The following DISC1 variants were observed in gnomAD, a reference collection of about 807,000 sequenced individuals.
DISC1 encodes the protein disrupted in schizophrenia 1 protein.
Under a neutral mutation model 84.5 loss-of-function variants are expected in DISC1, and 57 were observed. The observed-to-expected ratio is 0.67, with a 90% CI of 0.55 to 0.84. The LOEUF (loss-of-function observed/expected upper bound fraction) is 0.84, where lower values mean the gene tolerates loss of function less well. DISC1 is among the 40% of genes least tolerant of loss of function. The probability of loss-of-function intolerance (pLI) is 0.00; values close to 1 mark genes in which losing one functional copy is unlikely to be tolerated. For synonymous variants in DISC1, 411 were observed against 415.2 expected (o/e 0.99, Z 0.12); for missense variants, 1,000 against 1,057.8 (o/e 0.95, Z 0.76).
intron 9 of DISC1, among the ~76,000 whole-genome samples, chr1:231,838,839 C>G (rs1458527540): frequency 2.0e-5 from 3 of 152,186 alleles, no homozygotes; most frequent in Non-Finnish European, 4.4e-5. Flanking sequence ...CATTCAGAAG[C>G]CTTAGCTGTT....
chr1:231,894,865 G>A (rs1322462963), intron 9 of DISC1, among the ~76,000 whole-genome samples: 1 of 150,456 alleles, frequency 6.6e-6, no homozygotes, highest in Non-Finnish European at 1.5e-5. Flanking sequence ...TATAGCATTA[G>A]AGGACATTCT....
intron 10 of DISC1, among the ~76,000 whole-genome samples, chr1:232,007,867 G>T (rs1104691): frequency 0.027 from 4,136 of 152,262 alleles, 185 homozygotes; most frequent in African/African-American, 0.095. Context: ...GAGAGACCAG[G>T]TGTAGGTAAT....
intron 3 of DISC1, among the ~76,000 whole-genome samples, chr1:231,724,689 T>G (rs200786070): frequency 1.8e-4 from 28 of 152,194 alleles, no homozygotes; most frequent in Non-Finnish European, 3.5e-4. Flanking sequence ...AGACCTGGCT[T>G]CAGAGTCTGT....
In DISC1 at chr1:231,693,950, G is replaced by C. The variant is rs1452115713; in HGVS notation, c.192G>C (p.Leu64=). 5.0e-6 allele frequency: 8 copies of C among 1,614,164 alleles called. No homozygotes were observed. The South Asian group carries it at 8.8e-5, about 18-fold the overall frequency. Residue 64 remains leucine (L), a synonymous_variant, in exon 2 of 13, where the codon CTG becomes CTC. Transcript: ENST00000439617. ...TCCTTTCCCCAGCAGTGGGCACACT[G>C]TTCCGGTTCCCAGGAGGGGTGTCTG... The part of the protein sequence containing the change: ...IGFLSPAVGT[L]FRFPGGVSGE...
chr1:231,835,248 C>G (rs6677995), intron 9 of DISC1, among the ~76,000 whole-genome samples: 33,813 of 152,144 alleles, frequency 0.22, 4,081 homozygotes, highest in East Asian at 0.41. Context: ...CACTCGCGTC[C>G]GTGTGAAGAG....
intron 8 of DISC1, among the ~76,000 whole-genome samples, chr1:231,812,035 C>T (rs2080351068): frequency 6.6e-6 from 1 of 152,058 alleles, no homozygotes; most frequent in Admixed American, 6.6e-5. Context: ...CAAAATGCCC[C>T]AGGTGCTATG....
At chr1:231,953,642 T>A (rs1249732633) in intron 9 of DISC1, among the ~76,000 whole-genome samples, 1 of 152,256 alleles carries the variant, frequency 6.6e-6, no homozygotes, top group African/African-American at 2.4e-5. Flanking sequence ...TTTATCTAAA[T>A]TGATTCTTGA....
chr1:231,886,770 T>TTCCTTC (rs1558691912), intron 9 of DISC1, among the ~76,000 whole-genome samples: 5 of 38,248 alleles, frequency 1.3e-4, no homozygotes, highest in African/African-American at 1.9e-4. Flanking sequence ...TTCCTTCCTT[T>TTCCTTC]CTTTCTTTCT....
intron 10 of DISC1, among the ~76,000 whole-genome samples, chr1:231,984,005 G>A (rs1013651644): frequency 2.0e-5 from 3 of 152,262 alleles, no homozygotes; most frequent in East Asian, 3.9e-4. Flanking sequence ...AGGTTAAATC[G>A]CTTGTCCACA....
chr1:232,015,543 G>T lies in DISC1; in HGVS notation c.2307+6494G>T, dbSNP rs200572238. 8.4e-4 allele frequency among the ~76,000 whole-genome samples: 128 copies of T among 152,072 alleles called. 1 individual carries two copies. Among genetic ancestry groups the T allele is most frequent in the Admixed American group, 1.4e-3 (22 of 15,258 alleles). ...AATGTGGAAAATCAGATAGCACCCT[G>T]CCCCCTCATCACAGCTACAGTGCAT... On this transcript the variant is annotated intron_variant, in intron 11 of 12. Coordinates refer to ENST00000439617, the MANE Select transcript of DISC1 (RefSeq NM_018662.3).
At chr1:231,932,167 A>G (rs924570734) in intron 9 of DISC1, among the ~76,000 whole-genome samples, 6 of 152,194 alleles carry the variant, frequency 3.9e-5, no homozygotes, top group Non-Finnish European at 7.3e-5. Flanking sequence ...GGAAGATGTA[A>G]TCTTGCAAAA....
chr1:231,951,146 G>T (rs998942015), intron 9 of DISC1, among the ~76,000 whole-genome samples: 1 of 152,192 alleles, frequency 6.6e-6, no homozygotes, highest in African/African-American at 2.4e-5. Context: ...GGGTACCTTT[G>T]CCAGCATGAA....
intron 6 of DISC1, among the ~76,000 whole-genome samples, chr1:231,774,424 T>C (rs1030299027): frequency 2.0e-5 from 3 of 152,154 alleles, no homozygotes; most frequent in Non-Finnish European, 2.9e-5. Flanking sequence ...GGAACACTCA[T>C]GGTGAGCAGA....
intron 9 of DISC1, among the ~76,000 whole-genome samples, chr1:231,860,579 T>C (rs1268870669): frequency 3.3e-5 from 5 of 152,192 alleles, no homozygotes; most frequent in Non-Finnish European, 7.4e-5. Flanking sequence ...TAAGCAGATA[T>C]GAAAAGCCCA....
At chr1:231,818,175 T>C (rs2081216817) in intron 8 of DISC1, among the ~76,000 whole-genome samples, 154 bp from the exon 9 acceptor site, 1 of 152,244 alleles carries the variant, frequency 6.6e-6, no homozygotes, top group Admixed American at 6.5e-5. Flanking sequence ...TTCCAGGTTC[T>C]TTCCCCAGAG....
chr1:231,652,213 A>G (rs575109876), intron 1 of DISC1, among the ~76,000 whole-genome samples: 1 of 152,366 alleles, frequency 6.6e-6, no homozygotes, highest in East Asian at 1.9e-4. Context: ...CTATTTGGCC[A>G]TCTTGGAACA....
intron 9 of DISC1, among the ~76,000 whole-genome samples, chr1:231,900,863 G>A (rs2088117780): frequency 6.6e-6 from 1 of 152,038 alleles, no homozygotes; most frequent in African/African-American, 2.4e-5. Flanking sequence ...TACATTACAG[G>A]GTTTGAAAAA....
chr1:231,638,381 C>T (rs929303417), intron 1 of DISC1, among the ~76,000 whole-genome samples: 4 of 152,108 alleles, frequency 2.6e-5, no homozygotes, highest in African/African-American at 9.7e-5. Flanking sequence ...GTTGCCTGTG[C>T]TTTTGAGGTC....
At chr1:231,958,942 T>C in intron 10 of DISC1, 54 bp downstream of exon 10, 7 of 1,546,584 alleles carry the variant, frequency 4.5e-6, no homozygotes, top group East Asian at 2.4e-5. Context: ...AGATTCTTTA[T>C]TATAACAGAA....
Sources: allele counts gnomAD v4.1 joint callset (sites outside exome capture counted in the v4.1 genomes callset), GRCh38; gene constraint gnomAD v4.1.1; transcripts MANE v1.5; gene names NCBI Gene and HGNC (gene_info 2026-07-23, HGNC 2026-07-21).